ALKBH2: variants seen among roughly 807,000 people sequenced by gnomAD.
ALKBH2 encodes the protein alkB homolog 2, alpha-ketoglutarate dependent dioxygenase, also known as DNA oxidative demethylase ALKBH2.
A neutral mutation model predicts 19.7 loss-of-function variants in ALKBH2; 19 were observed. That is an observed-to-expected ratio of 0.97 (90% CI 0.67 to 1.42). ALKBH2 has a LOEUF of 1.42. ALKBH2 is among the 40% of genes most tolerant of loss of function. The pLI is 0.00. For synonymous variants in ALKBH2, 135 were observed against 131.2 expected (o/e 1.03, Z -0.20); for missense variants, 310 against 328.5 (o/e 0.94, Z 0.43).
rs2042037246 is a variant in ALKBH2 at position 109,090,028 on chromosome 12, T to TGAA, written c.457_459dup (p.Phe153dup). 1 of 1,614,048 alleles carries TGAA rather than the reference T, an allele frequency of 6.2e-7. No individual in the cohort carries two copies. Among genetic ancestry groups the TGAA allele is most frequent in the Admixed American group, 1.7e-5 (1 of 60,010 alleles). ...TGTCACCTGTTGATGAGCACAAAGTTGAAGGTCTGTCCAGTCACCCCAGAG... is the reference window on the plus strand; with the variant it reads ...TGTCACCTGTTGATGAGCACAAAGTTGAAGAAGGTCTGTCCAGTCACCCCAGAG... On this transcript the variant is annotated inframe_insertion, in exon 3 of 4. Transcript: ENST00000429722.
chr12:109,091,590 T>C (rs538056503), intron 2 of ALKBH2, among the ~76,000 whole-genome samples: 3 of 152,186 alleles, frequency 2.0e-5, no homozygotes, highest in South Asian at 4.2e-4. Flanking sequence ...CAGGCTGGAG[T>C]GCAGTGGTGC....
At chr12:109,091,283 T>G (rs888190637) in intron 2 of ALKBH2, among the ~76,000 whole-genome samples, 18 of 152,140 alleles carry the variant, frequency 1.2e-4, no homozygotes, top group South Asian at 8.3e-4. Context: ...TTACTTAGGA[T>G]GCTGAGGTGG....
chr12:109,089,761 GAA>G, intron 3 of ALKBH2: 1 of 498,094 alleles, frequency 2.0e-6, no homozygotes, highest in Non-Finnish European at 3.6e-6. Context: ...AAAAAAAAAA[GAA>G]AGAAAAAGAG....
chr12:109,089,952 T>G (rs530883000), intron 3 of ALKBH2, 57 bp downstream of exon 3: 1 of 1,593,134 alleles, frequency 6.3e-7, no homozygotes, highest in Non-Finnish European at 8.6e-7. Flanking sequence ...CCCTAAACAC[T>G]TCCTTTTGGA....
At chr12:109,092,967 G>C in intron 1 of ALKBH2, 30 bp from the exon 2 acceptor site, 3 of 1,406,872 alleles carry the variant, frequency 2.1e-6, no homozygotes, top group Non-Finnish European at 2.8e-6. Flanking sequence ...TGTTAAAGCC[G>C]GAAGGGACCC....
intron 2 of ALKBH2, 74 bp from the exon 3 acceptor site, chr12:109,090,281 C>CA: frequency 7.4e-7 from 1 of 1,347,008 alleles, no homozygotes. Context: ...CCCCAACCCG[C>CA]ACTGCCATCA....
In ALKBH2 at chr12:109,093,377, T is replaced by C. The variant is rs2042094544; in HGVS notation, c.-282A>G. The C allele has an allele frequency of 6.6e-6, 1 of 152,464 alleles. No homozygotes were observed. The highest frequency in any genetic ancestry group is 1.5e-5 in the Non-Finnish European group (1 of 68,212). 9.4% of individuals were successfully genotyped at this position (152,464 alleles called of 1,614,324 possible). A position where few individuals can be genotyped will look rare whatever the true frequency, so the allele number is the denominator to read the frequency against. ...AAAATTCTGATATCACTGCAACACG[T>C]CCGTGGGGTGGGGGTGGCAAGAGTG... is the stretch of plus-strand genomic sequence containing the variant. On this transcript the variant is annotated 5_prime_UTR_variant, in exon 1 of 4. Coordinates refer to ENST00000429722, the MANE Select transcript of ALKBH2 (RefSeq NM_001145374.2).
rs372377812 is a variant in ALKBH2 at position 109,089,965 on chromosome 12, A to G, written c.479+44T>C. Reference sequence around the variant, plus strand: ...AACCCTAAACACTTCCTTTTGGAGGAGACAGAAGACTTGTAACATTGAGTC... The same window carrying G: ...AACCCTAAACACTTCCTTTTGGAGGGGACAGAAGACTTGTAACATTGAGTC... On this transcript the variant is annotated intron_variant, in intron 3 of 3. Transcript: ENST00000429722. The G allele has an allele frequency of 6.5e-5, 104 of 1,603,452 alleles. 1 individual carries two copies. Among genetic ancestry groups the G allele is most frequent in the Non-Finnish European group, 7.9e-5 (93 of 1,170,866 alleles).
At position 109,089,979 on chromosome 12, in the gene ALKBH2, T is replaced by G. The variant is rs1297728529; in HGVS notation, c.479+30A>C. On this transcript the variant is annotated intron_variant, in intron 3 of 3. Transcript: ENST00000429722. ...CCTTTTGGAGGAGACAGAAGACTTG[T>G]AACATTGAGTCCACTAAACAGGGTG... The G allele has an allele frequency of 3.1e-6, 5 of 1,611,920 alleles. No individual in the cohort carries two copies. The Middle Eastern group carries it at 4.9e-4, about 159-fold the overall frequency.
rs1197270291 is a variant in ALKBH2 at position 109,092,707 on chromosome 12, G to A, written c.80C>T (p.Pro27Leu). 6.2e-6 allele frequency: 10 copies of A among 1,613,966 alleles called. No individual in the cohort carries two copies. The highest frequency in any genetic ancestry group is 4.0e-5 in the African/African-American group (3 of 75,020). Residue 27 changes from proline to leucine, a missense_variant, in exon 2 of 4, where the codon CCA (proline) becomes CTA (leucine). By Grantham distance (98) the Pro-to-Leu change is moderately conservative. Transcript: ENST00000429722. ...TTCTTTGTCTCCTCCCAACACAGCT[G>A]GCTCTTCTCCAGTTGGCTCTTGCTC... ...QEEQEPTGEE[P>L]AVLGGDKEST... is the part of the protein sequence containing the mutation.
chr12:109,089,783 T>A, intron 3 of ALKBH2: 2 of 549,008 alleles, frequency 3.6e-6, no homozygotes, highest in South Asian at 2.4e-5. Context: ...GAAGAAGAAA[T>A]TATCTCATTC....
At chr12:109,089,863 C>T (rs982064374) in intron 3 of ALKBH2, 146 bp downstream of exon 3, 32 of 791,960 alleles carry the variant, frequency 4.0e-5, no homozygotes, top group Non-Finnish European at 6.1e-5. Flanking sequence ...CCAGGAAGAC[C>T]GAGTGCTGGC....
At position 109,089,879 on chromosome 12, in the gene ALKBH2, T is replaced by G. The variant is rs756150965; in HGVS notation, c.479+130A>C. ...CAGGAAGACCGAGTGCTGGCGCTAT[T>G]CCACTCTTAGAGCCCCAGTGTACTA... On this transcript the variant is annotated intron_variant, in intron 3 of 3. Coordinates refer to ENST00000429722, the MANE Select transcript of ALKBH2 (RefSeq NM_001145374.2). 8.4e-5 allele frequency: 80 copies of G among 956,690 alleles called. 1 individual carries two copies. The highest frequency in any genetic ancestry group is 1.2e-4 in the Non-Finnish European group (76 of 632,166). The allele number at this position is 956,690 out of a possible 1,614,324, so 59.3% of individuals were successfully genotyped here. A position where few individuals can be genotyped will look rare whatever the true frequency, so the allele number is the denominator to read the frequency against.
chr12:109,092,680 C>T lies in ALKBH2; in HGVS notation c.107G>A (p.Ser36Asn), dbSNP rs1295958503. Residue 36 changes from serine (S) to asparagine (N), a missense_variant, in exon 2 of 4, where the codon AGC becomes AAC. Physicochemically the swap from Ser to Asn is conservative, Grantham distance 46. Coordinates refer to ENST00000429722, the MANE Select transcript of ALKBH2 (RefSeq NM_001145374.2). ...EPAVLGGDKE[S>N]TRKRPRREAP... ...CTCTCTCCTGGGCCTCTTCCTTGTG[C>T]TTTCTTTGTCTCCTCCCAACACAGC... 1 of 1,613,706 alleles carries T rather than the reference C, an allele frequency of 6.2e-7. No individual in the cohort carries two copies. The highest frequency in any genetic ancestry group is 1.7e-5 in the Admixed American group (1 of 60,014).
intron 3 of ALKBH2, chr12:109,089,586 T>A: frequency 4.8e-6 from 1 of 209,540 alleles, no homozygotes. Context: ...CAAATCGGCC[T>A]GTTTAATTTT....
chr12:109,090,973 A>G (rs2042052116), intron 2 of ALKBH2, among the ~76,000 whole-genome samples: 1 of 152,226 alleles, frequency 6.6e-6, no homozygotes, highest in Non-Finnish European at 1.5e-5. Flanking sequence ...AAAGAGGCTG[A>G]AATTGGAACA....
rs972954680 is a variant in ALKBH2 at position 109,092,517 on chromosome 12, T to A, written c.270A>T (p.Glu90Asp). The change falls in exon 2 of 4, where the codon GAA becomes GAT. Residue 90 changes from glutamate (E) to aspartate (D), a missense_variant. Physicochemically the swap from Glu to Asp is conservative, Grantham distance 45. Transcript: ENST00000429722. ...CACCCCTCTGCTTACCTGTAAAATA[T>A]TCTACTTCTTTCTCCAACTCTTGGA... ...EIFQELEKEV[E>D]YFTGALARVQ... 2.5e-6 allele frequency: 4 copies of A among 1,582,698 alleles called. No homozygotes were observed. The highest frequency in any genetic ancestry group is 1.3e-5 in the African/African-American group (1 of 74,276).
In ALKBH2 at chr12:109,090,210, G is replaced by A. The variant is rs1456950221; in HGVS notation, c.281-3C>T. On this transcript the variant is annotated splice_region_variant and splice_polypyrimidine_tract_variant and intron_variant, in intron 2 of 3. Transcript: ENST00000429722. ...TACCTGGACTCTGGCCAGTGCTCCT[G>A]TGCAGAGGAAACATGGCAGTTCCTT... 1.9e-6 allele frequency: 3 copies of A among 1,612,738 alleles called. No homozygotes were observed. Among genetic ancestry groups the A allele is most frequent in the African/African-American group, 1.3e-5 (1 of 75,038 alleles).
In ALKBH2 at chr12:109,090,343, G is replaced by A. The variant is rs900909714; in HGVS notation, c.281-136C>T. 19 of 708,320 alleles carry A rather than the reference G, an allele frequency of 2.7e-5. No homozygotes were observed. In the African/African-American group the frequency reaches 3.2e-4, roughly 12 times the overall value. 43.9% of individuals were successfully genotyped at this position (708,320 alleles called of 1,614,324 possible). A position where few individuals can be genotyped will look rare whatever the true frequency, so the allele number is the denominator to read the frequency against. ...GCTCCCTGGGTATTCAAGATTGAAA[G>A]GGAAGTAAGGAATAACATTTCCCCG... On this transcript the variant is annotated intron_variant, in intron 2 of 3. Coordinates refer to ENST00000429722, the MANE Select transcript of ALKBH2 (RefSeq NM_001145374.2).
Sources: allele counts gnomAD v4.1 joint callset (sites outside exome capture counted in the v4.1 genomes callset), GRCh38; gene constraint gnomAD v4.1.1; transcripts MANE v1.5; gene names NCBI Gene and HGNC (gene_info 2026-07-23, HGNC 2026-07-21).